The following ESPN variants were observed in gnomAD, a reference collection of about 807,000 sequenced individuals.
The protein encoded by ESPN is espin.
In ESPN, 68 loss-of-function variants were observed where a neutral mutation model predicts 77.7. That is an observed-to-expected ratio of 0.87 (90% CI 0.72 to 1.07). The LOEUF is 1.07. ESPN is among the 50% of genes least tolerant of loss of function. The pLI is 0.00. For missense variants in ESPN, 1,060 were observed against 1,239.0 expected (o/e 0.86, Z 2.17); for synonymous variants, 449 against 567.1 (o/e 0.79, Z 2.96).
rs1569771486 is a variant in ESPN at position 6,460,118 on chromosome 1, TGAA to T, written c.2542_2544del (p.Lys848del). ...GCGCCCTGGCAGCGACAGGTCATCC[TGAA>T]GAAGGGGGACATCGCTAAGTACTAG... is the stretch of plus-strand genomic sequence containing the variant. On this transcript the variant is annotated inframe_deletion, in exon 13 of 13. Transcript: ENST00000645284. 1 of 1,612,764 alleles carries T rather than the reference TGAA, an allele frequency of 6.2e-7. No individual in the cohort carries two copies. Among genetic ancestry groups the T allele is most frequent in the Non-Finnish European group, 8.5e-7 (1 of 1,180,018 alleles).
At chr1:6,443,938 A>C (rs1216157652) in intron 5 of ESPN, among the ~76,000 whole-genome samples, 1 of 152,152 alleles carries the variant, frequency 6.6e-6, no homozygotes, top group Non-Finnish European at 1.5e-5. Flanking sequence ...GGGCGAGGGG[A>C]TGGCAGGCCT....
chr1:6,455,770 T>A (rs1644044319), intron 10 of ESPN: 1 of 398,956 alleles, frequency 2.5e-6, no homozygotes, highest in East Asian at 3.6e-5. Flanking sequence ...CGCATCCGCC[T>A]CTTCCACCGC....
intron 10 of ESPN, chr1:6,456,022 C>G (rs1644051002): frequency 2.5e-6 from 1 of 397,236 alleles, no homozygotes; most frequent in Non-Finnish European, 4.4e-6. Flanking sequence ...CCGCCGCCGC[C>G]CCCGCCCGCC....
intron 2 of ESPN, among the ~76,000 whole-genome samples, chr1:6,432,804 G>A (rs1444632235): frequency 2.0e-5 from 3 of 152,228 alleles, no homozygotes; most frequent in African/African-American, 4.8e-5. Context: ...GCCTTCACCC[G>A]TCCATGTCCA....
intron 2 of ESPN, among the ~76,000 whole-genome samples, chr1:6,429,388 G>A (rs1643158015): frequency 6.6e-6 from 1 of 152,128 alleles, no homozygotes; most frequent in Non-Finnish European, 1.5e-5. Context: ...TAGACTAGGA[G>A]GGCCCCAGGG....
Position 6,450,744 on chromosome 1 carries a change from A to T in ESPN, c.1916-859A>T, listed in dbSNP as rs182093018. Among the ~76,000 whole-genome samples the T allele has an allele frequency of 5.0e-4, 68 of 136,864 alleles. No individual in the cohort carries two copies. Among genetic ancestry groups the T allele is most frequent in the African/African-American group, 1.6e-3 (60 of 36,504 alleles). The allele number at this position is 136,864 out of a possible 152,430, so 89.8% of individuals were successfully genotyped here. A position where few individuals can be genotyped will look rare whatever the true frequency, so the allele number is the denominator to read the frequency against. ...TCCCTTTCTCCTACTCTTCTCCCCC[A>T]CCACCCCCACCCGCTGTGACTGCAT... is the stretch of plus-strand genomic sequence containing the variant. On this transcript the variant is annotated intron_variant, in intron 8 of 12. Transcript: ENST00000645284. This position sits in a 1 kb window ranked among gnomAD's most constrained non-coding sequence, Gnocchi z 4.3.
intron 10 of ESPN, 97 bp from the exon 11 acceptor site, chr1:6,457,087 G>A (rs1644069846): frequency 1.7e-6 from 2 of 1,182,562 alleles, no homozygotes; most frequent in South Asian, 2.6e-5. Flanking sequence ...TCAAAAGGAT[G>A]TCTTCCTGTG....
rs373648685 is a variant in ESPN, at chr1:6,438,214, G to T, written c.489-2040G>T. Among the ~76,000 whole-genome samples, 61 of 152,302 alleles carry T rather than the reference G, an allele frequency of 4.0e-4. No homozygotes were observed. In the East Asian group the frequency reaches 7.5e-3, roughly 19 times the overall value. On this transcript the variant is annotated intron_variant, in intron 2 of 12. Coordinates refer to ENST00000645284, the MANE Select transcript of ESPN (RefSeq NM_031475.3). ...TTGTGGCTCCACCTAGTGTCCTTCG[G>T]TGGTAACTGCACCCTGGCTGTTCAC...
chr1:6,428,259 C>G lies in ESPN; in HGVS notation c.328C>G (p.Leu110Val). The change falls in exon 2 of 13, where the codon CTG (leucine) becomes GTG (valine). Residue 110 changes from leucine (L) to valine (V), a missense_variant. Coordinates refer to ENST00000645284, the MANE Select transcript of ESPN (RefSeq NM_031475.3). This position sits in a 1 kb window ranked among gnomAD's most constrained non-coding sequence, Gnocchi z 5.4. ...KDNSGATVLHLAARFGHPEVV... is the reference protein window; with the variant it reads ...KDNSGATVLHVAARFGHPEVV... ...CAATTCTGGTGCCACAGTCTTGCAT[C>G]TGGCTGCCCGCTTCGGCCACCCCGA... The G allele has an allele frequency of 6.2e-7, 1 of 1,613,618 alleles. No homozygotes were observed. Among genetic ancestry groups the G allele is most frequent in the Non-Finnish European group, 8.5e-7 (1 of 1,180,006 alleles).
At chr1:6,457,328 G>T (rs758533394) in intron 11 of ESPN, 33 bp from the exon 12 acceptor site, 1 of 1,614,222 alleles carries the variant, frequency 6.2e-7, no homozygotes, top group Non-Finnish European at 8.5e-7. Context: ...TGAGGTGGAG[G>T]TACCAAGTGA....
At chr1:6,455,027 C>T (rs1644025281) in intron 10 of ESPN, 2 of 378,412 alleles carry the variant, frequency 5.3e-6, no homozygotes, top group Admixed American at 9.1e-5. Flanking sequence ...GCCGCAAGCC[C>T]CCGCAGTCCG....
intron 7 of ESPN, 138 bp from the exon 8 acceptor site, chr1:6,448,492 TGAGAACCAGGG>T (rs1643889180): frequency 1.6e-6 from 1 of 620,518 alleles, no homozygotes; most frequent in South Asian, 2.1e-5. Context: ...CTGCCCACTG[TGAGAACCAGGG>T]GGTCTAGGAA....
intron 2 of ESPN, among the ~76,000 whole-genome samples, chr1:6,435,459 A>G (rs551723863): frequency 1.3e-4 from 20 of 152,378 alleles, no homozygotes; most frequent in Non-Finnish European, 2.6e-4. Context: ...CTTGATGAAT[A>G]GTTACAGTTC....
In ESPN at chr1:6,427,558, C is replaced by T. The variant is rs1416319841; in HGVS notation, c.295-668C>T. ...CACCCCTGGCTGACTGCCCCGGACC[C>T]GCCCACCAGTACCCAGCAACTTCCA... On this transcript the variant is annotated intron_variant, in intron 1 of 12. Transcript: ENST00000645284. The surrounding 1 kb of genome is among the most constrained non-coding windows in gnomAD (Gnocchi z 4.6). Among the ~76,000 whole-genome samples, 3 of 152,198 alleles carry T rather than the reference C, an allele frequency of 2.0e-5. No homozygotes were observed. Among genetic ancestry groups the T allele is most frequent in the Admixed American group, 6.5e-5 (1 of 15,284 alleles).
chr1:6,444,372 G>A, intron 5 of ESPN, 109 bp from the exon 6 acceptor site: 5 of 1,058,784 alleles, frequency 4.7e-6, no homozygotes, highest in Non-Finnish European at 7.2e-6. Context: ...AGAGCGGTGT[G>A]GCTTGGCCAA....
chr1:6,440,373 C>A lies in ESPN; in HGVS notation c.608C>A (p.Ala203Asp). Reference sequence around the variant, plus strand: ...TGCGGCGCAGACCCGCACGCGCGCGCCCACGACGGCATGACCCCGCTGCAC... The same window carrying A: ...TGCGGCGCAGACCCGCACGCGCGCGACCACGACGGCATGACCCCGCTGCAC... ...QECGADPHARAHDGMTPLHAA... is the reference protein window; with the variant it reads ...QECGADPHARDHDGMTPLHAA... Residue 203 changes from alanine to aspartate, a missense_variant, in exon 3 of 13, where the codon GCC becomes GAC. By Grantham distance (126) the Ala-to-Asp change is moderately radical. Coordinates refer to ENST00000645284, the MANE Select transcript of ESPN (RefSeq NM_031475.3). 6.3e-7 allele frequency: 1 copy of A among 1,588,288 alleles called. No individual in the cohort carries two copies. The highest frequency in any genetic ancestry group is 8.6e-7 in the Non-Finnish European group (1 of 1,168,304).
rs1183237872 is a variant in ESPN, at chr1:6,451,553, G to C, written c.1916-50G>C. 6.3e-7 allele frequency: 1 copy of C among 1,594,660 alleles called. No individual in the cohort carries two copies. Among genetic ancestry groups the C allele is most frequent in the East Asian group, 2.3e-5 (1 of 44,008 alleles). On this transcript the variant is annotated intron_variant, in intron 8 of 12. Coordinates refer to ENST00000645284, the MANE Select transcript of ESPN (RefSeq NM_031475.3). The surrounding 1 kb of genome is among the most constrained non-coding windows in gnomAD (Gnocchi z 4.3). ...TGCAGAGGGGCGGGTGAGGGGTGGC[G>C]GGGATGCAGCCCCACCCTGGCCAGT...
chr1:6,461,351 T>G, downstream of ESPN: 3 of 1,450,382 alleles, frequency 2.1e-6, no homozygotes, highest in Non-Finnish European at 2.8e-6. This position sits in a 1 kb window ranked among gnomAD's most constrained non-coding sequence, Gnocchi z 6.3. Flanking sequence ...ATAAGTGACA[T>G]AAAATGTCTA....
intron 2 of ESPN, among the ~76,000 whole-genome samples, chr1:6,431,013 G>A (rs1643225290): frequency 6.6e-6 from 1 of 152,208 alleles, no homozygotes; most frequent in Non-Finnish European, 1.5e-5. Context: ...ATCCTCCCAG[G>A]AGGGTCCTGG....
Sources: gnomAD v4.1 joint callset for allele counts (sites outside exome capture counted in the v4.1 genomes callset) on GRCh38, gnomAD v4.1.1 for gene constraint, Gnocchi (gnomAD v3.1) non-coding constraint, MANE v1.5 for transcripts, NCBI Gene and HGNC (gene_info 2026-07-23, HGNC 2026-07-21) for gene names.